The following NUP98 variants were observed in gnomAD, a reference collection of about 807,000 sequenced individuals.
NUP98 encodes nucleoporin 98 and 96 precursor, also known as nuclear pore complex protein Nup98-Nup96.
Under a neutral mutation model 191.9 loss-of-function variants are expected in NUP98, and 26 were observed. The ratio of observed to expected loss-of-function variants is 0.14; its 90% confidence interval spans 0.10 to 0.19. The LOEUF (loss-of-function observed/expected upper bound fraction) is 0.19. Among genes scored for constraint, NUP98 ranks in the 10% least tolerant of loss-of-function variants. The pLI is 1.00. For synonymous variants in NUP98, 808 were observed against 778.4 expected (o/e 1.04, Z -0.63); for missense variants, 1,941 against 2,178.8 (o/e 0.89, Z 2.17).
intron 25 of NUP98, chr11:3,697,047 CATA>C (rs1414992556): frequency 6.6e-6 from 1 of 152,014 alleles, no homozygotes; most frequent in Non-Finnish European, 1.5e-5. Flanking sequence ...TTTAATGATT[CATA>C]ATAAGTTCAT....
chr11:3,751,289 C>T (rs1268574881), intron 11 of NUP98, among the ~76,000 whole-genome samples: 1 of 152,050 alleles, frequency 6.6e-6, no homozygotes, highest in Non-Finnish European at 1.5e-5. Flanking sequence ...AACCAGGAGG[C>T]GGAGGCTGCG....
intron 12 of NUP98, among the ~76,000 whole-genome samples, chr11:3,737,796 G>A (rs1450394740): frequency 1.3e-5 from 2 of 151,976 alleles, no homozygotes; most frequent in African/African-American, 2.4e-5. Flanking sequence ...CAAACCAAGA[G>A]ATGTCAATTT....
At chr11:3,783,661 T>C (rs1034390690) in intron 1 of NUP98, among the ~76,000 whole-genome samples, 4 of 152,142 alleles carry the variant, frequency 2.6e-5, no homozygotes, top group African/African-American at 9.7e-5. Flanking sequence ...ATCGCACCAT[T>C]GTACTCCAGC....
chr11:3,797,386 G>T lies in NUP98; in HGVS notation c.-29+14C>A. 2.5e-6 allele frequency: 1 copy of T among 403,230 alleles called. No individual in the cohort carries two copies. Among genetic ancestry groups the T allele is most frequent in the South Asian group, 1.1e-4 (1 of 9,484 alleles). The allele number at this position is 403,230 out of a possible 1,614,324, so 25.0% of individuals were successfully genotyped here. ...TGCCGGTCTCGGCCGCTGCAGCTCG[G>T]GCTCCCGACTTACCGCGGTTCGGTG... On this transcript the variant is annotated intron_variant, in intron 1 of 32. Transcript: ENST00000324932.
At chr11:3,768,900 T>C (rs952159058) in intron 7 of NUP98, among the ~76,000 whole-genome samples, 156 bp from the exon 8 acceptor site, 6 of 152,198 alleles carry the variant, frequency 3.9e-5, no homozygotes, top group African/African-American at 1.4e-4. Flanking sequence ...TTTTCCATCC[T>C]TCACTTAACT....
intron 1 of NUP98, among the ~76,000 whole-genome samples, chr11:3,786,697 T>C (rs1191810392): frequency 6.6e-6 from 1 of 152,176 alleles, no homozygotes; most frequent in East Asian, 1.9e-4. Flanking sequence ...ATATACTGTT[T>C]TACATATCTT....
At chr11:3,710,666 T>C (rs1212883260) in intron 20 of NUP98, among the ~76,000 whole-genome samples, 1 of 152,148 alleles carries the variant, frequency 6.6e-6, no homozygotes, top group African/African-American at 2.4e-5. Context: ...ACGGCACAAG[T>C]AGTTTCCCCA....
intron 1 of NUP98, among the ~76,000 whole-genome samples, chr11:3,789,590 A>G (rs1359641972): frequency 1.4e-5 from 2 of 142,826 alleles, no homozygotes; most frequent in Non-Finnish European, 3.0e-5. Flanking sequence ...ATCATGGCTC[A>G]CTGCAGCCTG....
intron 27 of NUP98, among the ~76,000 whole-genome samples, chr11:3,692,816 G>A (rs10834863): frequency 0.064 from 9,734 of 152,168 alleles, 471 homozygotes; most frequent in East Asian, 0.24. Flanking sequence ...TGAAAGACAA[G>A]TATAAAATAT....
chr11:3,705,323 C>A lies in NUP98; in HGVS notation c.2959G>T (p.Asp987Tyr). Residue 987 changes from aspartate (D) to tyrosine (Y), a missense_variant, in exon 22 of 33, where the codon GAT (aspartate) becomes TAT (tyrosine). Transcript: ENST00000324932. ...MKASLLTDEE[D>Y]VDMALDQRFS... is the part of the protein sequence containing the mutation. ...CGTTGATCCAGTGCCATATCTACAT[C>A]TTCTTCATCAGTAAGCAATGATGCT... 1 of 1,613,788 alleles carries A rather than the reference C, an allele frequency of 6.2e-7. No homozygotes were observed.
chr11:3,736,676 TTATG>T (rs1381519080), intron 12 of NUP98, among the ~76,000 whole-genome samples: 26 of 152,332 alleles, frequency 1.7e-4, no homozygotes, highest in African/African-American at 5.8e-4. Context: ...TCAACATAGG[TTATG>T]TAGTTATTAA....
intron 29 of NUP98, 137 bp from the exon 30 acceptor site, chr11:3,683,578 GC>G: frequency 2.2e-6 from 2 of 918,686 alleles, no homozygotes; most frequent in Non-Finnish European, 3.2e-6. Flanking sequence ...CACTCTTGTT[GC>G]CCAGGCTGGA....
chr11:3,789,731 A>AT (rs549325377), intron 1 of NUP98, among the ~76,000 whole-genome samples: 1,533 of 152,014 alleles, frequency 0.01, 16 homozygotes, highest in Non-Finnish European at 0.015. Flanking sequence ...TTGGCCTCCT[A>AT]AAGTGCAGGG....
chr11:3,751,840 C>T (rs1437303463), intron 11 of NUP98, among the ~76,000 whole-genome samples: 1 of 152,128 alleles, frequency 6.6e-6, no homozygotes, highest in East Asian at 1.9e-4. Flanking sequence ...CCCTGGGTAA[C>T]AGAGCAAGAA....
intron 24 of NUP98, 69 bp from the exon 25 acceptor site, chr11:3,699,417 C>G: frequency 6.5e-7 from 1 of 1,534,162 alleles, no homozygotes; most frequent in Non-Finnish European, 9.0e-7. Context: ...GGGCATCCTT[C>G]TAACTGTGAT....
At chr11:3,705,835 C>T (rs560833146) in intron 21 of NUP98, among the ~76,000 whole-genome samples, 1 of 151,924 alleles carries the variant, frequency 6.6e-6, no homozygotes, top group Non-Finnish European at 1.5e-5. Flanking sequence ...ATATGACTTG[C>T]ACAAAGTAAT....
chr11:3,722,769 C>T (rs764501638), intron 16 of NUP98, among the ~76,000 whole-genome samples: 18 of 152,010 alleles, frequency 1.2e-4, no homozygotes, highest in African/African-American at 3.9e-4. Flanking sequence ...GCCAAGACTG[C>T]GACACTGCAC....
rs753304479 is a variant in NUP98, at chr11:3,744,606, A to T, written c.1311T>A (p.Pro437=). ...CTGTACCAAGAGGCCCTCCAATCTTAGGTTGGTTGTTCCCAAACAAAGATG... is the reference window on the plus strand; with the variant it reads ...CTGTACCAAGAGGCCCTCCAATCTTTGGTTGGTTGTTCCCAAACAAAGATG... ...GQASLFGNNQ[P]KIGGPLGTGA... Residue 437 remains proline (P), a synonymous_variant, in exon 12 of 33, where the codon CCT becomes CCA. Transcript: ENST00000324932. 1 of 1,613,556 alleles carries T rather than the reference A, an allele frequency of 6.2e-7. No homozygotes were observed. Among genetic ancestry groups the T allele is most frequent in the Non-Finnish European group, 8.5e-7 (1 of 1,179,606 alleles).
At chr11:3,723,490 G>A (rs749462675) in intron 15 of NUP98, 35 bp from the exon 16 acceptor site, 12 of 1,565,822 alleles carry the variant, frequency 7.7e-6, no homozygotes, top group East Asian at 6.7e-5. Context: ...TTAGCCTCTT[G>A]TAGTAGTAAT....
Sources: allele counts gnomAD v4.1 joint callset (sites outside exome capture counted in the v4.1 genomes callset), GRCh38; gene constraint gnomAD v4.1.1; transcripts MANE v1.5; gene names NCBI Gene and HGNC (gene_info 2026-07-23, HGNC 2026-07-21).